Variants in HEATR5A observed in about 807,000 individuals in gnomAD.
HEATR5A encodes HEAT repeat-containing protein 5A.
In HEATR5A, 178 loss-of-function variants were observed where a neutral mutation model predicts 218.8. That is an observed-to-expected ratio of 0.81 (90% CI 0.72 to 0.92). The LOEUF is 0.92. Among genes scored for constraint, HEATR5A ranks in the 40% least tolerant of loss-of-function variants. The probability of loss-of-function intolerance (pLI) is 0.00; values close to 1 mark genes in which losing one functional copy is unlikely to be tolerated. For synonymous variants in HEATR5A, 864 were observed against 871.6 expected (o/e 0.99, Z 0.15); for missense variants, 2,420 against 2,418.9 (o/e 1.00, Z -0.01).
At chr14:31,366,943 G>C (rs570989009) in intron 13 of HEATR5A, among the ~76,000 whole-genome samples, 1 of 152,258 alleles carries the variant, frequency 6.6e-6, no homozygotes, top group South Asian at 2.1e-4. Flanking sequence ...TACTAAAAAA[G>C]CTGGAGCAAA....
chr14:31,378,874 A>G (rs2029877771), intron 11 of HEATR5A, among the ~76,000 whole-genome samples: 1 of 151,922 alleles, frequency 6.6e-6, no homozygotes, highest in Non-Finnish European at 1.5e-5. Flanking sequence ...CCTTTAGGTC[A>G]AATTACTTTA....
In HEATR5A at chr14:31,389,655, A is replaced by C. The variant is rs562423958; in HGVS notation, c.773-650T>G. On this transcript the variant is annotated intron_variant, in intron 6 of 35. Transcript: ENST00000543095. ...TGTGACTAGATAATATTATCTCCCCAAAAAAAAGAAGAAACCATTTCTCCC... is the reference window on the plus strand; with the variant it reads ...TGTGACTAGATAATATTATCTCCCCCAAAAAAAGAAGAAACCATTTCTCCC... Among the ~76,000 whole-genome samples, 131 of 152,068 alleles carry C rather than the reference A, an allele frequency of 8.6e-4. 2 individuals are homozygous for C. Among genetic ancestry groups the C allele is most frequent in the East Asian group, 3.3e-3 (17 of 5,170 alleles).
intron 23 of HEATR5A, among the ~76,000 whole-genome samples, chr14:31,325,509 T>C (rs1900238304): frequency 6.6e-6 from 1 of 151,818 alleles, no homozygotes. Context: ...TGTATGTATG[T>C]ATGTATGTAT....
intron 2 of HEATR5A, among the ~76,000 whole-genome samples, chr14:31,401,249 A>T (rs2030868468): frequency 6.6e-6 from 1 of 152,050 alleles, no homozygotes; most frequent in Non-Finnish European, 1.5e-5. Context: ...AGGTGATTAG[A>T]TCAAGGGGGT....
intron 9 of HEATR5A, among the ~76,000 whole-genome samples, chr14:31,384,859 G>T (rs2030147594): frequency 1.3e-5 from 2 of 151,816 alleles, no homozygotes; most frequent in African/African-American, 4.8e-5. Context: ...CCACCATGTT[G>T]CTCTTATAAG....
intron 32 of HEATR5A, among the ~76,000 whole-genome samples, chr14:31,304,319 C>A (rs1419973775): frequency 6.6e-6 from 1 of 152,174 alleles, no homozygotes; most frequent in Non-Finnish European, 1.5e-5. Context: ...AAATTGTATA[C>A]CAAAACATGC....
intron 7 of HEATR5A, 94 bp downstream of exon 7, chr14:31,388,751 A>C: frequency 1.1e-6 from 1 of 949,940 alleles, no homozygotes; most frequent in Non-Finnish European, 1.7e-6. Context: ...ATAAGTGTTG[A>C]CCTTGCATAG....
chr14:31,368,057 C>T (rs1901871232), intron 13 of HEATR5A, among the ~76,000 whole-genome samples: 1 of 152,064 alleles, frequency 6.6e-6, no homozygotes, highest in South Asian at 2.1e-4. Flanking sequence ...ACTTAATCCC[C>T]AATGCAGTAC....
chr14:31,300,016 A>G (rs1452475250), intron 33 of HEATR5A, among the ~76,000 whole-genome samples: 2 of 152,084 alleles, frequency 1.3e-5, no homozygotes, highest in African/African-American at 4.8e-5. Flanking sequence ...AGCCTGGGCA[A>G]CAGAGCGAGA....
At chr14:31,378,241 T>C (rs1595154463) in intron 11 of HEATR5A, among the ~76,000 whole-genome samples, 1 of 152,102 alleles carries the variant, frequency 6.6e-6, no homozygotes, top group African/African-American at 2.4e-5. Context: ...ATTACTCAAC[T>C]CTGCCACTGT....
In HEATR5A at chr14:31,321,793, A is replaced by T. The variant is rs905461874; in HGVS notation, c.3788-113T>A. 6.8e-6 allele frequency: 5 copies of T among 731,216 alleles called. No homozygotes were observed. The African/African-American group carries it at 8.9e-5, about 13-fold the overall frequency. 45.3% of individuals were successfully genotyped at this position (731,216 alleles called of 1,614,324 possible). On this transcript the variant is annotated intron_variant, in intron 24 of 35. Coordinates refer to ENST00000543095, the MANE Select transcript of HEATR5A (RefSeq NM_015473.4). ...ATTTTTCCTCCTTTAAGTACCTCTG[A>T]CTTGATATACTGTTTTTGCTGTTTG...
intron 21 of HEATR5A, among the ~76,000 whole-genome samples, chr14:31,343,344 C>T (rs1239658205): frequency 2.6e-5 from 4 of 152,166 alleles, no homozygotes; most frequent in African/African-American, 4.8e-5. Flanking sequence ...GCTGGGATTA[C>T]AGGCATGAGC....
In HEATR5A at chr14:31,313,444, CAAT is replaced by C. The variant is rs1449967041; in HGVS notation, c.4219-257_4219-255del. Reference sequence around the variant, plus strand: ...AATATGATGCCACTTCTCACATTTACAATCATAATATTATATCACGGCACTCTT... The same window carrying C: ...AATATGATGCCACTTCTCACATTTACCATAATATTATATCACGGCACTCTT... On this transcript the variant is annotated intron_variant, in intron 27 of 35. Coordinates refer to ENST00000543095, the MANE Select transcript of HEATR5A (RefSeq NM_015473.4). Among the ~76,000 whole-genome samples, 5 of 152,274 alleles carry C rather than the reference CAAT, an allele frequency of 3.3e-5. 1 individual carries two copies. The highest frequency in any genetic ancestry group is 1.2e-4 in the African/African-American group (5 of 41,540).
chr14:31,388,008 A>G (rs1236807516), intron 7 of HEATR5A, among the ~76,000 whole-genome samples: 1 of 152,236 alleles, frequency 6.6e-6, no homozygotes, highest in African/African-American at 2.4e-5. Flanking sequence ...GAGAGATTTA[A>G]CATTCTGAAC....
At chr14:31,310,951 C>G (rs1899727368) in intron 28 of HEATR5A, among the ~76,000 whole-genome samples, 1 of 152,030 alleles carries the variant, frequency 6.6e-6, no homozygotes, top group Non-Finnish European at 1.5e-5. Flanking sequence ...CTGTAGTGCA[C>G]TATGATTGCT....
At chr14:31,390,920 C>T (rs2030427257) in intron 6 of HEATR5A, among the ~76,000 whole-genome samples, 1 of 152,080 alleles carries the variant, frequency 6.6e-6, no homozygotes, top group Non-Finnish European at 1.5e-5. Flanking sequence ...CAAGGCATCG[C>T]TATTACAGGA....
rs1901479683 is a variant in HEATR5A, at chr14:31,357,880, C to T, written c.2411+757G>A. Among the ~76,000 whole-genome samples the T allele has an allele frequency of 3.9e-5, 6 of 152,156 alleles. No homozygotes were observed. The South Asian group carries it at 1.2e-3, about 32-fold the overall frequency. On this transcript the variant is annotated intron_variant, in intron 16 of 35. Coordinates refer to ENST00000543095, the MANE Select transcript of HEATR5A (RefSeq NM_015473.4). ...TGTGTGTGTTCTAAAGCAGGGGGGCCCCAACCAGTGGGCCACGGACTGGTA... is the reference window on the plus strand; with the variant it reads ...TGTGTGTGTTCTAAAGCAGGGGGGCTCCAACCAGTGGGCCACGGACTGGTA...
chr14:31,336,111 T>A (rs1900642927), intron 22 of HEATR5A, among the ~76,000 whole-genome samples: 2 of 150,426 alleles, frequency 1.3e-5, no homozygotes, highest in African/African-American at 4.9e-5. Flanking sequence ...AATTAGTAGC[T>A]GGGACTACAG....
chr14:31,374,349 G>A (rs556950705), intron 12 of HEATR5A, among the ~76,000 whole-genome samples: 1 of 150,418 alleles, frequency 6.6e-6, no homozygotes, highest in African/African-American at 2.4e-5. Flanking sequence ...TATGTTATCA[G>A]TAAGGCTTCT....
Sources: allele counts gnomAD v4.1 joint callset (sites outside exome capture counted in the v4.1 genomes callset), GRCh38; gene constraint gnomAD v4.1.1; transcripts MANE v1.5; gene names NCBI Gene and HGNC (gene_info 2026-07-23, HGNC 2026-07-21).